The following CRISP3 variants were observed in gnomAD, a reference collection of about 807,000 sequenced individuals.
CRISP3 encodes the protein cysteine rich secretory protein 3, also known as cysteine-rich secretory protein 3.
A neutral mutation model predicts 36.1 loss-of-function variants in CRISP3; 33 were observed. The ratio of observed to expected loss-of-function variants is 0.91; its 90% confidence interval spans 0.69 to 1.22. The LOEUF (loss-of-function observed/expected upper bound fraction) is 1.22. CRISP3 is among the 50% of genes most tolerant of loss of function. The pLI, the probability that CRISP3 is intolerant of heterozygous loss-of-function variation, is 0.00. For synonymous variants in CRISP3, 117 were observed against 104.6 expected, an observed-to-expected ratio of 1.12 and a Z score of -0.72; for missense variants, 330 against 301.2, an observed-to-expected ratio of 1.10 and a Z score of -0.71.
intron 7 of CRISP3, 22 bp downstream of exon 7, chr6:49,731,141 A>G (rs753115220): frequency 8.9e-6 from 13 of 1,468,452 alleles, no homozygotes. Context: ...TTTTATTATC[A>G]AGTTAATCAC....
chr6:49,732,106 T>C (rs1215039001), intron 6 of CRISP3, among the ~76,000 whole-genome samples: 2 of 152,200 alleles, frequency 1.3e-5, no homozygotes, highest in African/African-American at 4.8e-5. Flanking sequence ...TGTTGGTGTG[T>C]GAGCACTTAA....
Position 49,735,586 on chromosome 6 carries a change from C to T in CRISP3, c.234G>A (p.Trp78Ter). Residue 78 changes from tryptophan to a stop codon, truncating the protein, a stop_gained, in exon 4 of 8, where the codon TGG becomes TGA. Transcript: ENST00000263045. LOFTEE classifies it high-confidence loss of function. ...PPARNMLKME[W>*]NKEAAANAQK... ...GGGCATTTGCTGCAGCCTCTTTGTT[C>T]CATTCCTGAAACAAGGACAGAAAAA... is the stretch of plus-strand genomic sequence containing the variant. 6.2e-7 allele frequency: 1 copy of T among 1,611,328 alleles called. No homozygotes were observed. Among genetic ancestry groups the T allele is most frequent in the South Asian group, 1.1e-5 (1 of 90,826 alleles).
Position 49,733,270 on chromosome 6 carries a change from A to C in CRISP3, c.485T>G (p.Leu162Arg), listed in dbSNP as rs143673516. Residue 162 changes from leucine to arginine, a missense_variant, in exon 6 of 8, where the codon CTC becomes CGC. Transcript: ENST00000263045. ...YTQVVWYSSY[L>R]VGCGNAYCPN... ...ACAGTAGGCATTTCCACATCCAACGAGGTATGAAGAGTACCAAACAACCTA... is the reference window on the plus strand; with the variant it reads ...ACAGTAGGCATTTCCACATCCAACGCGGTATGAAGAGTACCAAACAACCTA... 6.6e-5 allele frequency: 107 copies of C among 1,610,740 alleles called. No homozygotes were observed. The African/African-American group carries it at 1.1e-3, about 17-fold the overall frequency.
At chr6:49,739,431 G>A (rs1769142672) in intron 1 of CRISP3, among the ~76,000 whole-genome samples, 1 of 152,138 alleles carries the variant, frequency 6.6e-6, no homozygotes, top group African/African-American at 2.4e-5. Context: ...AGTACCCAGA[G>A]GGGGAGCTGG....
chr6:49,729,006 G>T, intron 7 of CRISP3, 149 bp from the exon 8 acceptor site: 1 of 599,220 alleles, frequency 1.7e-6, no homozygotes, highest in Non-Finnish European at 2.8e-6. Context: ...ATATCTTGAG[G>T]GACACATAAG....
rs1364044719 is a variant in CRISP3, at chr6:49,742,999, C to G, written c.37+1332G>C. Among the ~76,000 whole-genome samples, 14 of 152,294 alleles carry G rather than the reference C, an allele frequency of 9.2e-5. No homozygotes were observed. In the East Asian group the frequency reaches 2.1e-3, roughly 23 times the overall value. On this transcript the variant is annotated intron_variant, in intron 1 of 7. Transcript: ENST00000263045. ...AAGTATTTGATGCAATATTTTCTTA[C>G]TTAAAATTTAATAGTTAATCTTTAT... is the stretch of plus-strand genomic sequence containing the variant.
rs562150051 is a variant in CRISP3 at position 49,743,912 on chromosome 6, GC to G, written c.37+418del. ...TTGTTTTGACCAATTTAAAACTTTT[GC>G]TATGGCATCCCATATAGCTGTATGT... is the stretch of plus-strand genomic sequence containing the variant. On this transcript the variant is annotated intron_variant, in intron 1 of 7. Transcript: ENST00000263045. Among the ~76,000 whole-genome samples, 450 of 151,824 alleles carry G rather than the reference GC, an allele frequency of 3.0e-3. 1 individual carries two copies. Among genetic ancestry groups the G allele is most frequent in the African/African-American group, 0.01 (428 of 41,416 alleles).
chr6:49,731,132 T>G lies in CRISP3; in HGVS notation c.649+31A>C, dbSNP rs367704203. The G allele has an allele frequency of 1.5e-5, 21 of 1,420,234 alleles. No individual in the cohort carries two copies. In the African/African-American group the frequency reaches 2.7e-4, roughly 18 times the overall value. The allele number at this position is 1,420,234 out of a possible 1,614,324, so 88.0% of individuals were successfully genotyped here. A position where few individuals can be genotyped will look rare whatever the true frequency, so the allele number is the denominator to read the frequency against. ...TAGAAGAAATGTCAGATCATTTTATTTTATTATCAAGTTAATCACTTCAAA... is the reference window on the plus strand; with the variant it reads ...TAGAAGAAATGTCAGATCATTTTATGTTATTATCAAGTTAATCACTTCAAA... On this transcript the variant is annotated intron_variant, in intron 7 of 7. Coordinates refer to ENST00000263045, the MANE Select transcript of CRISP3 (RefSeq NM_006061.4).
At chr6:49,735,698 G>C in intron 3 of CRISP3, 107 bp from the exon 4 acceptor site, 1 of 708,992 alleles carries the variant, frequency 1.4e-6, no homozygotes, top group South Asian at 2.0e-5. Context: ...TAAAATTTCT[G>C]TACAAGCATC....
At chr6:49,735,326 T>C (rs532294282) in intron 4 of CRISP3, among the ~76,000 whole-genome samples, 178 bp downstream of exon 4, 2 of 152,240 alleles carry the variant, frequency 1.3e-5, no homozygotes, top group South Asian at 2.1e-4. Flanking sequence ...AAAATTTATT[T>C]AAAACAGTAA....
In CRISP3 at chr6:49,737,357, G is replaced by C; in HGVS notation, c.79C>G (p.Leu27Val). 1.9e-6 allele frequency: 3 copies of C among 1,613,918 alleles called. No homozygotes were observed. The highest frequency in any genetic ancestry group is 2.5e-6 in the Non-Finnish European group (3 of 1,179,916). Residue 27 changes from leucine (L) to valine (V), a missense_variant, in exon 2 of 8, where the codon CTG becomes GTG. Transcript: ENST00000263045. ...FPVLLFLVAG[L>V]LPSFPANEDK... ...TCATTTGCTGGAAAAGATGGAAGCA[G>C]CCCAGCAACCAGGAACAACAGCACT...
rs142931873 is a variant in CRISP3, at chr6:49,727,836, A to G, written c.*894T>C. 101 of 152,300 alleles carry G rather than the reference A, an allele frequency of 6.6e-4. No homozygotes were observed. Among genetic ancestry groups the G allele is most frequent in the African/African-American group, 2.4e-3 (100 of 41,576 alleles). 9.4% of individuals were successfully genotyped at this position (152,300 alleles called of 1,614,324 possible). A position where few individuals can be genotyped will look rare whatever the true frequency, so the allele number is the denominator to read the frequency against. The stretch of plus-strand genomic sequence containing the variant: ...TTATGAATTTTTAGAAAGATTATCT[A>G]GAACAAATCTGAATGACTTATCACT... On this transcript the variant is annotated 3_prime_UTR_variant, in exon 8 of 8. Transcript: ENST00000263045.
chr6:49,732,892 T>C (rs190347199), intron 6 of CRISP3, among the ~76,000 whole-genome samples: 66 of 152,298 alleles, frequency 4.3e-4, no homozygotes, highest in African/African-American at 1.4e-3. Context: ...GATAAAATTA[T>C]ATTTAGATAA....
At chr6:49,742,972 A>C (rs922803872) in intron 1 of CRISP3, among the ~76,000 whole-genome samples, 3 of 152,228 alleles carry the variant, frequency 2.0e-5, no homozygotes, top group African/African-American at 7.2e-5. Flanking sequence ...CACAGCACAG[A>C]AAAGTATTTG....
chr6:49,734,105 T>C (rs939554373), intron 4 of CRISP3, among the ~76,000 whole-genome samples: 6 of 152,170 alleles, frequency 3.9e-5, no homozygotes, highest in African/African-American at 1.4e-4. Context: ...TGGAGAAGCC[T>C]TTTTTCTTTA....
chr6:49,739,791 T>C (rs766717484), intron 1 of CRISP3, among the ~76,000 whole-genome samples: 1 of 152,200 alleles, frequency 6.6e-6, no homozygotes, highest in Non-Finnish European at 1.5e-5. Flanking sequence ...TCTCCTGTCA[T>C]TCACTTCCAT....
At chr6:49,737,126 A>G (rs764659219) in intron 2 of CRISP3, among the ~76,000 whole-genome samples, 199 bp downstream of exon 2, 1 of 152,138 alleles carries the variant, frequency 6.6e-6, no homozygotes, top group Non-Finnish European at 1.5e-5. Flanking sequence ...ATGAACTTCA[A>G]TACCCTCATG....
intron 1 of CRISP3, among the ~76,000 whole-genome samples, chr6:49,739,331 T>C (rs1769140483): frequency 2.6e-5 from 4 of 152,184 alleles, no homozygotes; most frequent in Non-Finnish European, 5.9e-5. Context: ...CAGGATAACA[T>C]GTTATAATAT....
intron 5 of CRISP3, among the ~76,000 whole-genome samples, 194 bp downstream of exon 5, chr6:49,733,509 T>C (rs1768966722): frequency 6.6e-6 from 1 of 152,154 alleles, no homozygotes; most frequent in Non-Finnish European, 1.5e-5. Context: ...TGGACAAAGA[T>C]TATGCTTCCC....
Sources: gnomAD v4.1 joint callset for allele counts (sites outside exome capture counted in the v4.1 genomes callset) on GRCh38, gnomAD v4.1.1 for gene constraint, MANE v1.5 for transcripts, NCBI Gene and HGNC (gene_info 2026-07-23, HGNC 2026-07-21) for gene names.